The following GABRB1 variants were observed in gnomAD, a reference collection of about 807,000 sequenced individuals.
The protein encoded by GABRB1 is gamma-aminobutyric acid receptor subunit beta-1.
GABRB1 carries 17 observed loss-of-function variants against 51.6 expected under a neutral mutation model. The ratio of observed to expected loss-of-function variants is 0.33; its 90% CI spans 0.23 to 0.49. The LOEUF is 0.49. GABRB1 is among the 20% of genes least tolerant of loss of function. The pLI, the probability that GABRB1 is intolerant of heterozygous loss-of-function variation, is 0.99. For synonymous variants in GABRB1, 247 were observed against 218.9 expected (o/e 1.13, Z -1.14); for missense variants, 410 against 600.6 (o/e 0.68, Z 3.32).
upstream of GABRB1, among the ~76,000 whole-genome samples, chr4:47,029,099 A>G (rs1483751824): frequency 6.6e-6 from 1 of 151,678 alleles, no homozygotes; most frequent in African/African-American, 2.4e-5. Flanking sequence ...TTTATTTCCA[A>G]TTAATAAAAA....
intron 4 of GABRB1, among the ~76,000 whole-genome samples, chr4:47,311,247 A>ACAACAACAACAT (rs1724665475): frequency 6.7e-6 from 1 of 149,878 alleles, no homozygotes; most frequent in South Asian, 2.1e-4. Flanking sequence ...TACAACAACA[A>ACAACAACAACAT]CAACAACAAC....
chr4:47,235,845 T>C (rs1207665628), intron 4 of GABRB1, among the ~76,000 whole-genome samples: 2 of 152,144 alleles, frequency 1.3e-5, no homozygotes, highest in African/African-American at 4.8e-5. Flanking sequence ...TCAACACAAT[T>C]GCAATTTATT....
chr4:47,185,537 C>G (rs907627332), intron 4 of GABRB1, among the ~76,000 whole-genome samples: 11 of 151,666 alleles, frequency 7.3e-5, no homozygotes, highest in Non-Finnish European at 1.5e-4. Context: ...TATATAGAGC[C>G]ATCCACTGCT....
upstream of GABRB1, among the ~76,000 whole-genome samples, chr4:47,027,480 A>G (rs28406777): frequency 0.024 from 3,642 of 151,744 alleles, 132 homozygotes; most frequent in African/African-American, 0.084. Context: ...ATGCAAAGTG[A>G]AAAATGCATT....
chr4:47,156,591 T>G (rs113297897), intron 3 of GABRB1, among the ~76,000 whole-genome samples: 160 of 152,216 alleles, frequency 1.1e-3, no homozygotes, highest in African/African-American at 3.3e-3. Flanking sequence ...GTTACCTTTA[T>G]TCTCCAAAAG....
chr4:47,242,920 G>A (rs1022489755), intron 4 of GABRB1, among the ~76,000 whole-genome samples: 12 of 152,106 alleles, frequency 7.9e-5, no homozygotes, highest in South Asian at 2.1e-4. Context: ...TTCGGCTTTC[G>A]TTGCCATTGC....
rs1415404814 is a variant in GABRB1 at position 47,261,238 on chromosome 4, G to A, written c.462-58889G>A. Among the ~76,000 whole-genome samples the A allele has an allele frequency of 3.3e-5, 5 of 152,254 alleles. No homozygotes were observed. In the East Asian group the frequency reaches 9.6e-4, roughly 29 times the overall value. On this transcript the variant is annotated intron_variant, in intron 4 of 8. Transcript: ENST00000295454. ...AAGGAAATAAAGGGTATTCAATTAG[G>A]AAAAGAGGAAGTCAAATTGTCCCTG...
chr4:47,174,354 C>A (rs962111732), intron 4 of GABRB1, among the ~76,000 whole-genome samples: 2 of 152,118 alleles, frequency 1.3e-5, no homozygotes, highest in Non-Finnish European at 2.9e-5. Flanking sequence ...TGTGACCCAC[C>A]ACACCCAGCT....
At chr4:47,199,801 A>G (rs1596139) in intron 4 of GABRB1, among the ~76,000 whole-genome samples, 129,151 of 152,114 alleles carry the variant, frequency 0.85, 54,807 homozygotes, top group Middle Eastern at 0.92. Context: ...CAATGTTGGA[A>G]GAATGATACA....
intron 3 of GABRB1, among the ~76,000 whole-genome samples, chr4:47,039,493 C>T (rs562692778): frequency 4.0e-5 from 6 of 151,038 alleles, no homozygotes; most frequent in African/African-American, 1.5e-4. Context: ...AGAGGAATGT[C>T]TTTTTTGAAA....
rs1491134553 is a variant in GABRB1 at position 47,354,981 on chromosome 4, T to TTTTTTTTTG, written c.544+34780_544+34781insGTTTTTTTT. ...CTTCCTTTCTTTCTTTCTTCCTTTG[T>TTTTTTTTTG]TTTTTTTTTTTTTTTTTTTTTTTTG... is the stretch of plus-strand genomic sequence containing the variant. On this transcript the variant is annotated intron_variant, in intron 5 of 8. Transcript: ENST00000295454. 1.4e-3 allele frequency among the ~76,000 whole-genome samples: 97 copies of TTTTTTTTTG among 69,476 alleles called. 13 individuals carry two copies. The highest frequency in any genetic ancestry group is 2.3e-3 in the Non-Finnish European group (76 of 32,722). 45.6% of individuals were successfully genotyped at this position (69,476 alleles called of 152,430 possible).
chr4:47,331,362 G>A (rs1303831730), intron 5 of GABRB1, among the ~76,000 whole-genome samples: 1 of 152,094 alleles, frequency 6.6e-6, no homozygotes, highest in Non-Finnish European at 1.5e-5. Context: ...AAAAGCCAGT[G>A]GGGGAATGGA....
intron 3 of GABRB1, among the ~76,000 whole-genome samples, chr4:47,095,103 A>G (rs1179815814): frequency 6.6e-6 from 1 of 152,166 alleles, no homozygotes; most frequent in African/African-American, 2.4e-5. Flanking sequence ...AAACTTTAAA[A>G]AGTCATTTCA....
At chr4:47,079,745 A>G (rs201528220) in intron 3 of GABRB1, among the ~76,000 whole-genome samples, 1 of 150,670 alleles carries the variant, frequency 6.6e-6, no homozygotes, top group African/African-American at 2.4e-5. Context: ...AACTATCGCA[A>G]GGACAAAAAA....
At chr4:47,257,582 GTTGA>G (rs1722264273) in intron 4 of GABRB1, among the ~76,000 whole-genome samples, 1 of 151,882 alleles carries the variant, frequency 6.6e-6, no homozygotes, top group Non-Finnish European at 1.5e-5. Flanking sequence ...TTGGTGAGAA[GTTGA>G]TTGGTGAGAA....
intron 3 of GABRB1, among the ~76,000 whole-genome samples, chr4:47,149,532 T>C (rs1717332051): frequency 6.6e-6 from 1 of 152,026 alleles, no homozygotes; most frequent in Non-Finnish European, 1.5e-5. Context: ...GTCTGCCAAT[T>C]CCTAATGCCA....
At chr4:47,032,520 T>A (rs184831188) in intron 3 of GABRB1, 36 bp downstream of exon 3, 1 of 1,593,276 alleles carries the variant, frequency 6.3e-7, no homozygotes, top group African/African-American at 1.3e-5. Flanking sequence ...CGGTTCGGCT[T>A]ACGCAGATGG....
At chr4:47,256,009 C>T (rs548278824) in intron 4 of GABRB1, among the ~76,000 whole-genome samples, 20 of 152,230 alleles carry the variant, frequency 1.3e-4, no homozygotes, top group South Asian at 1.0e-3. Context: ...AAATTTAGTC[C>T]GAGGCCCAGT....
Position 47,320,112 on chromosome 4 carries a change from T to G in GABRB1, c.462-15T>G, listed in dbSNP as rs774594228. On this transcript the variant is annotated splice_polypyrimidine_tract_variant and intron_variant, in intron 4 of 8. Transcript: ENST00000295454. ...CTTTTGTAATGTTTTCTTTTTTCTC[T>G]CTCCTCTCTATCAGAATCACAACCA... 3.9e-6 allele frequency: 6 copies of G among 1,528,666 alleles called. No homozygotes were observed. Among genetic ancestry groups the G allele is most frequent in the Non-Finnish European group, 4.5e-6 (5 of 1,101,974 alleles). 94.7% of individuals were successfully genotyped at this position (1,528,666 alleles called of 1,614,324 possible).
Sources: gnomAD v4.1 joint callset for allele counts (sites outside exome capture counted in the v4.1 genomes callset) on GRCh38, gnomAD v4.1.1 for gene constraint, MANE v1.5 for transcripts, NCBI Gene and HGNC (gene_info 2026-07-23, HGNC 2026-07-21) for gene names.